SLC9B1: variants seen among roughly 807,000 people sequenced by gnomAD.
The protein encoded by SLC9B1 is sodium/hydrogen exchanger 9B1.
SLC9B1 carries 32 observed loss-of-function variants against 51.7 expected under a neutral mutation model. The ratio of observed to expected loss-of-function variants is 0.62; its 90% CI spans 0.47 to 0.83. The LOEUF (loss-of-function observed/expected upper bound fraction) is 0.83, where lower values mean the gene tolerates loss of function less well. SLC9B1 is among the 40% of genes least tolerant of loss of function. SLC9B1 has a pLI of 0.00. For synonymous variants in SLC9B1, 145 were observed against 212.7 expected, an observed-to-expected ratio of 0.68 and a Z score of 2.77; for missense variants, 406 against 613.2, an observed-to-expected ratio of 0.66 and a Z score of 3.57.
chr4:102,951,055 G>T (rs1475226826), intron 3 of SLC9B1, among the ~76,000 whole-genome samples: 1 of 152,072 alleles, frequency 6.6e-6, no homozygotes, highest in Non-Finnish European at 1.5e-5. Flanking sequence ...ACAAGAAAAT[G>T]TCATCCTACT....
In SLC9B1 at chr4:102,946,635, T is replaced by C. The variant is rs769672038; in HGVS notation, c.525+12A>G. ...TGAAATAACCTTACTCGATTTGTAATTGTAAATCTACCTGTGGATCGAGTC... is the reference window on the plus strand; with the variant it reads ...TGAAATAACCTTACTCGATTTGTAACTGTAAATCTACCTGTGGATCGAGTC... On this transcript the variant is annotated intron_variant, in intron 5 of 11. Transcript: ENST00000296422. 7 of 1,598,762 alleles carry C rather than the reference T, an allele frequency of 4.4e-6. No homozygotes were observed. The South Asian group carries it at 8.0e-5, about 18-fold the overall frequency.
chr4:102,911,375 A>G (rs1578338962), intron 8 of SLC9B1, 56 bp downstream of exon 8: 1 of 1,290,318 alleles, frequency 7.8e-7, no homozygotes, highest in Non-Finnish European at 1.1e-6. Context: ...CCAAAGTTTA[A>G]TATTTTGAAA....
intron 6 of SLC9B1, among the ~76,000 whole-genome samples, chr4:102,944,353 C>T (rs965352407): frequency 6.6e-6 from 1 of 152,092 alleles, no homozygotes; most frequent in Non-Finnish European, 1.5e-5. Context: ...ATATAACAAG[C>T]CTGCTCATGT....
At chr4:102,898,910 T>C (rs1353484897), downstream of SLC9B1, among the ~76,000 whole-genome samples, 1 of 151,744 alleles carries the variant, frequency 6.6e-6, no homozygotes, top group Non-Finnish European at 1.5e-5. Context: ...TGTATTTTTA[T>C]TTTTTTTGTT....
intron 5 of SLC9B1, among the ~76,000 whole-genome samples, chr4:102,945,763 A>G (rs908271271): frequency 2.6e-5 from 4 of 152,124 alleles, no homozygotes; most frequent in African/African-American, 2.4e-5. Flanking sequence ...GAACTTTTCA[A>G]TGTTCTCCTT....
intron 3 of SLC9B1, chr4:102,962,191 T>C: frequency 1.9e-6 from 1 of 517,106 alleles, no homozygotes; most frequent in Non-Finnish European, 3.9e-6. Flanking sequence ...CTTGCATTTC[T>C]ATCAGAGAGT....
At chr4:102,909,774 A>C (rs557266927) in intron 9 of SLC9B1, among the ~76,000 whole-genome samples, 1 of 152,398 alleles carries the variant, frequency 6.6e-6, no homozygotes, top group African/African-American at 2.4e-5. Flanking sequence ...TTTATTCTAT[A>C]TGTTTTATTC....
chr4:103,008,174 T>C (rs937538491), intron 1 of SLC9B1, among the ~76,000 whole-genome samples: 4 of 152,198 alleles, frequency 2.6e-5, no homozygotes, highest in Non-Finnish European at 5.9e-5. Flanking sequence ...CTTGCTATTA[T>C]GGGAATTAAG....
intron 6 of SLC9B1, chr4:102,941,498 T>C (rs890211878): frequency 1.1e-5 from 5 of 455,126 alleles, no homozygotes; most frequent in Non-Finnish European, 8.8e-6. Flanking sequence ...AAGTAACAGA[T>C]GCTGGCGAGC....
At chr4:102,900,515 A>C (rs1282211759), downstream of SLC9B1, among the ~76,000 whole-genome samples, 3 of 152,244 alleles carry the variant, frequency 2.0e-5, no homozygotes, top group Non-Finnish European at 4.4e-5. Flanking sequence ...TCATCTAAAA[A>C]CTGCTAAACC....
chr4:102,940,828 A>G (rs200264290), intron 6 of SLC9B1, among the ~76,000 whole-genome samples: 2 of 152,310 alleles, frequency 1.3e-5, no homozygotes, highest in African/African-American at 2.4e-5. Context: ...CCGCACACCT[A>G]TAGCCATCTA....
At chr4:102,945,062 C>T (rs1319314695) in intron 6 of SLC9B1, 131 bp downstream of exon 6, 1 of 1,083,908 alleles carries the variant, frequency 9.2e-7, no homozygotes, top group African/African-American at 1.6e-5. Context: ...TAATCAACTG[C>T]TTTCCAAGGA....
intron 1 of SLC9B1, among the ~76,000 whole-genome samples, chr4:102,993,460 C>T (rs547446541): frequency 9.8e-4 from 149 of 152,340 alleles, no homozygotes; most frequent in Middle Eastern, 6.8e-3. Context: ...CAGCTCCGCC[C>T]CTGTGGCTCT....
At chr4:102,939,009 AAAG>A (rs1465962292) in intron 6 of SLC9B1, among the ~76,000 whole-genome samples, 4 of 152,072 alleles carry the variant, frequency 2.6e-5, no homozygotes, top group Non-Finnish European at 5.9e-5. Context: ...TAGCAGAAGA[AAAG>A]AAATAACCAA....
intron 3 of SLC9B1, among the ~76,000 whole-genome samples, chr4:102,961,633 C>T (rs1055726622): frequency 6.6e-6 from 1 of 152,136 alleles, no homozygotes; most frequent in African/African-American, 2.4e-5. Flanking sequence ...TTCCTCCTCC[C>T]TTCCTTTGCT....
At position 102,989,822 on chromosome 4, in the gene SLC9B1, T is replaced by C. The variant is rs1383007952; in HGVS notation, c.189A>G (p.Val63=). The C allele has an allele frequency of 6.3e-7, 1 of 1,591,252 alleles. No homozygotes were observed. Among genetic ancestry groups the C allele is most frequent in the Non-Finnish European group, 8.6e-7 (1 of 1,166,274 alleles). ...TACCATTTGTAATAATTACATTCAA[T>C]ACTCCTCTTAGAGGACAAGAAATGT... is the stretch of plus-strand genomic sequence containing the variant. The part of the protein sequence containing the change: ...ETYISCPLRG[V]LNVIITNGVI... Residue 63 remains valine, a synonymous_variant, in exon 3 of 12, where the codon GTA becomes GTG. Transcript: ENST00000296422.
chr4:102,948,332 A>ACACACACC (rs1737373334), intron 4 of SLC9B1, among the ~76,000 whole-genome samples: 1 of 148,470 alleles, frequency 6.7e-6, no homozygotes, highest in Non-Finnish European at 1.5e-5. Flanking sequence ...CCATACACAC[A>ACACACACC]CACACACACA....
intron 6 of SLC9B1, among the ~76,000 whole-genome samples, chr4:102,941,657 AAAAAC>A (rs1168206836): frequency 3.9e-5 from 4 of 102,866 alleles, no homozygotes; most frequent in Non-Finnish European, 7.7e-5. Flanking sequence ...AAAAAAAAAA[AAAAAC>A]CCGAGAGAGA....
chr4:103,002,389 C>T (rs1740571142), intron 1 of SLC9B1, among the ~76,000 whole-genome samples: 1 of 152,196 alleles, frequency 6.6e-6, no homozygotes, highest in South Asian at 2.1e-4. Context: ...GACAAGTATT[C>T]TGTGCAAGAC....
Sources: allele counts gnomAD v4.1 joint callset (sites outside exome capture counted in the v4.1 genomes callset), GRCh38; gene constraint gnomAD v4.1.1; transcripts MANE v1.5; gene names NCBI Gene and HGNC (gene_info 2026-07-23, HGNC 2026-07-21).